The following SEC22A variants were observed in gnomAD, a reference collection of about 807,000 sequenced individuals.
SEC22A encodes the protein SEC22 homolog A, vesicle trafficking protein, also known as vesicle-trafficking protein SEC22a.
Under a neutral mutation model 35.3 loss-of-function variants are expected in SEC22A, and 22 were observed. That is an observed-to-expected ratio of 0.62 (90% CI 0.45 to 0.89). SEC22A has a LOEUF of 0.89. SEC22A is among the 40% of genes least tolerant of loss of function. The pLI, the probability that SEC22A is intolerant of heterozygous loss-of-function variation, is 0.00. For missense variants in SEC22A, 354 were observed against 362.5 expected (o/e 0.98, Z 0.19); for synonymous variants, 119 against 129.5 (o/e 0.92, Z 0.55).
intron 5 of SEC22A, 115 bp from the exon 6 acceptor site, chr3:123,259,409 C>T: frequency 1.5e-5 from 10 of 689,062 alleles, no homozygotes; most frequent in Non-Finnish European, 2.6e-5. Context: ...TTCTATATAC[C>T]AGTGTGTGAC....
At chr3:123,234,576 G>A (rs1000886741) in intron 4 of SEC22A, among the ~76,000 whole-genome samples, 5 of 151,546 alleles carry the variant, frequency 3.3e-5, no homozygotes, top group African/African-American at 9.7e-5. Flanking sequence ...GAATGAAGTT[G>A]GACCCCTACC....
At chr3:123,235,889 A>G (rs919465125) in intron 4 of SEC22A, among the ~76,000 whole-genome samples, 1 of 152,246 alleles carries the variant, frequency 6.6e-6, no homozygotes, top group South Asian at 2.1e-4. Context: ...GTACTGATAC[A>G]TATAACAACA....
At chr3:123,266,146 C>T (rs557993853) in intron 6 of SEC22A, among the ~76,000 whole-genome samples, 17 of 152,000 alleles carry the variant, frequency 1.1e-4, no homozygotes, top group Non-Finnish European at 2.1e-4. Context: ...AGTGGTATCT[C>T]CTGTTTCATT....
chr3:123,262,823 CAT>C (rs1937923242), intron 6 of SEC22A, among the ~76,000 whole-genome samples: 2 of 152,178 alleles, frequency 1.3e-5, no homozygotes, highest in South Asian at 4.1e-4. Context: ...AAGTTTTAGA[CAT>C]ATGTGTATGG....
Position 123,209,299 on chromosome 3 carries a change from A to G in SEC22A, c.82A>G (p.Thr28Ala). 6.2e-7 allele frequency: 1 copy of G among 1,614,086 alleles called. No homozygotes were observed. Among genetic ancestry groups the G allele is most frequent in the Non-Finnish European group, 8.5e-7 (1 of 1,179,950 alleles). ...LSASTDYEQS[T>A]GMQECRKYFK... ...TGCTTCTACTGATTATGAACAAAGC[A>G]CAGGAATGCAGGAGTGCAGAAAGTA... The change falls in exon 2 of 7, where the codon ACA becomes GCA. Residue 28 changes from threonine (T) to alanine (A), a missense_variant. Transcript: ENST00000492595.
At chr3:123,209,943 TAGC>T (rs988084258) in intron 2 of SEC22A, among the ~76,000 whole-genome samples, 23 of 152,204 alleles carry the variant, frequency 1.5e-4, no homozygotes, top group African/African-American at 5.3e-4. Context: ...AAGGCAGAGG[TAGC>T]AGCCAGTGGA....
intron 5 of SEC22A, among the ~76,000 whole-genome samples, chr3:123,255,915 CTTCT>C (rs1200898301): frequency 5.5e-5 from 8 of 144,710 alleles, no homozygotes; most frequent in Middle Eastern, 3.7e-3. Context: ...ATTTTACTTT[CTTCT>C]TTCTTTTTTT....
Position 123,259,560 on chromosome 3 carries a change from T to G in SEC22A, c.694T>G (p.Phe232Val). 1.2e-6 allele frequency: 2 copies of G among 1,613,404 alleles called. No homozygotes were observed. Among genetic ancestry groups the G allele is most frequent in the African/African-American group, 1.3e-5 (1 of 75,058 alleles). Residue 232 changes from phenylalanine (F) to valine (V), a missense_variant, in exon 6 of 7, where the codon TTC becomes GTC. Transcript: ENST00000492595. Reference sequence around the variant, plus strand: ...TGATTTTAATTACATCATTGCATTTTTCCTTGGAACAGCAGCCTGCCTTTA... The same window carrying G: ...TGATTTTAATTACATCATTGCATTTGTCCTTGGAACAGCAGCCTGCCTTTA... ...GDDFNYIIAF[F>V]LGTAACLYQC...
intron 4 of SEC22A, among the ~76,000 whole-genome samples, chr3:123,237,650 C>T (rs1023627856): frequency 5.9e-5 from 9 of 151,956 alleles, no homozygotes; most frequent in Middle Eastern, 3.2e-3. Flanking sequence ...TATATCCGTT[C>T]GTTAATAGAC....
At chr3:123,215,845 G>A (rs113475405) in intron 2 of SEC22A, among the ~76,000 whole-genome samples, 58 of 152,224 alleles carry the variant, frequency 3.8e-4, no homozygotes, top group African/African-American at 1.3e-3. Context: ...AGAGAATGAA[G>A]GGAAATACCA....
chr3:123,209,933 A>G lies in SEC22A; in HGVS notation c.182+534A>G, dbSNP rs559698413. 1.9e-3 allele frequency among the ~76,000 whole-genome samples: 297 copies of G among 152,330 alleles called. 1 individual carries two copies. The highest frequency in any genetic ancestry group is 3.4e-3 in the Middle Eastern group (1 of 294). ...ATGAAGGATGCTGTGGATGAAGAGC[A>G]AGGCAGAGGTAGCAGCCAGTGGAGA... On this transcript the variant is annotated intron_variant, in intron 2 of 6. Coordinates refer to ENST00000492595, the MANE Select transcript of SEC22A (RefSeq NM_012430.5).
chr3:123,253,101 AT>A (rs1408954250), intron 5 of SEC22A, among the ~76,000 whole-genome samples: 1 of 152,214 alleles, frequency 6.6e-6, no homozygotes, highest in East Asian at 1.9e-4. Context: ...CATATGGCAC[AT>A]TAGAAAAAAA....
intron 4 of SEC22A, among the ~76,000 whole-genome samples, chr3:123,236,498 T>C (rs1158468708): frequency 6.6e-6 from 1 of 152,202 alleles, no homozygotes; most frequent in Non-Finnish European, 1.5e-5. Flanking sequence ...CTTTTTCCTT[T>C]GGTGCTTTTA....
At chr3:123,262,214 A>G (rs1029504468) in intron 6 of SEC22A, among the ~76,000 whole-genome samples, 6 of 152,216 alleles carry the variant, frequency 3.9e-5, no homozygotes, top group Non-Finnish European at 8.8e-5. Context: ...TTCAGGATGC[A>G]GGTGCTTATG....
intron 4 of SEC22A, among the ~76,000 whole-genome samples, chr3:123,240,155 C>G (rs1937502932): frequency 6.6e-6 from 1 of 152,092 alleles, no homozygotes; most frequent in African/African-American, 2.4e-5. Flanking sequence ...AATTAGCTAT[C>G]CCTGGGAGAG....
chr3:123,260,162 A>C (rs1439823330), intron 6 of SEC22A, among the ~76,000 whole-genome samples: 6 of 123,918 alleles, frequency 4.8e-5, no homozygotes, highest in Non-Finnish European at 1.1e-4. Flanking sequence ...AAAAAAAAAA[A>C]AAAAAAACTA....
rs35775511 is a variant in SEC22A at position 123,241,002 on chromosome 3, T to TACACACACACACACACACACACAC, written c.542-4879_542-4856dup. The stretch of plus-strand genomic sequence containing the variant: ...AATAGATTTACTAATCTCTCTTTCT[T>TACACACACACACACACACACACAC]ACACACACACACACACACACACACA... On this transcript the variant is annotated intron_variant, in intron 4 of 6. Transcript: ENST00000492595. Among the ~76,000 whole-genome samples, 5 of 142,674 alleles carry TACACACACACACACACACACACAC rather than the reference T, an allele frequency of 3.5e-5. No homozygotes were observed. In the East Asian group the frequency reaches 8.7e-4, roughly 25 times the overall value. 93.6% of individuals were successfully genotyped at this position (142,674 alleles called of 152,430 possible).
At chr3:123,233,134 A>G (rs560729256) in intron 4 of SEC22A, among the ~76,000 whole-genome samples, 1 of 152,314 alleles carries the variant, frequency 6.6e-6, no homozygotes, top group East Asian at 1.9e-4. Context: ...TGTCTCTAAA[A>G]GAAAAAATTA....
At position 123,223,722 on chromosome 3, in the gene SEC22A, G is replaced by T; in HGVS notation, c.346G>T (p.Asp116Tyr). The change falls in exon 3 of 7, where the codon GAT becomes TAT. Residue 116 changes from aspartate (D) to tyrosine (Y), a missense_variant and splice_region_variant. Asp to Tyr is a radical substitution (Grantham distance 160). Transcript: ENST00000492595. ...AVRPYCFIEF[D>Y]NFIQRTKQRY... is the part of the protein sequence containing the mutation. The stretch of plus-strand genomic sequence containing the variant: ...CAGACCATACTGTTTCATTGAATTT[G>T]GTAAGGGCCTGATTTTTTTTTCCTT... 2 of 1,607,452 alleles carry T rather than the reference G, an allele frequency of 1.2e-6. No individual in the cohort carries two copies. Among genetic ancestry groups the T allele is most frequent in the South Asian group, 1.1e-5 (1 of 89,942 alleles).
Sources: gnomAD v4.1 joint callset for allele counts (sites outside exome capture counted in the v4.1 genomes callset) on GRCh38, gnomAD v4.1.1 for gene constraint, MANE v1.5 for transcripts, NCBI Gene and HGNC (gene_info 2026-07-23, HGNC 2026-07-21) for gene names.